ZNF44: variants seen among roughly 807,000 people sequenced by gnomAD.
ZNF44 encodes zinc finger protein 44, also known as gonadotropin inducible transcription repressor-2.
Under a neutral mutation model 11.7 loss-of-function variants are expected in ZNF44, and 9 were observed. The observed-to-expected ratio is 0.77, with a 90% CI of 0.46 to 1.35. The LOEUF is 1.35. Among genes scored for constraint, ZNF44 ranks in the 40% most tolerant of loss-of-function variants. ZNF44 has a pLI of 0.00. For synonymous variants in ZNF44, 224 were observed against 242.7 expected, an observed-to-expected ratio of 0.92 and a Z score of 0.72; for missense variants, 696 against 743.1, an observed-to-expected ratio of 0.94 and a Z score of 0.74.
intron 1 of ZNF44, among the ~76,000 whole-genome samples, chr19:12,283,667 T>C (rs1967589565): frequency 6.6e-6 from 1 of 152,196 alleles, no homozygotes; most frequent in Non-Finnish European, 1.5e-5. Flanking sequence ...AGTCTTCTTA[T>C]ATAAGAAAAT....
At position 12,274,984 on chromosome 19, in the gene ZNF44, C is replaced by A; in HGVS notation, c.180G>T (p.Arg60Ser). ...QNIDDQHQNL[R>S]RNPRCDVVER... The stretch of plus-strand genomic sequence containing the variant: ...TAAGTACAAATTACCTTGGATTTCT[C>A]CTGAGATTTTGGTGCTGATCATCAA... Residue 60 changes from arginine (R) to serine (S), a missense_variant, in exon 3 of 4, where the codon AGG (arginine) becomes AGT (serine). Coordinates refer to ENST00000355684, the MANE Select transcript of ZNF44 (RefSeq NM_016264.4). 1 of 1,588,308 alleles carries A rather than the reference C, an allele frequency of 6.3e-7. No individual in the cohort carries two copies. Among genetic ancestry groups the A allele is most frequent in the Non-Finnish European group, 8.6e-7 (1 of 1,166,656 alleles).
Position 12,273,608 on chromosome 19 carries a change from T to C in ZNF44, c.647A>G (p.Glu216Gly), listed in dbSNP as rs1188544445. ...FFWPSLLRMH[E>G]RTHTGEKPYE... ...TGGTTTCTCTCCAGTGTGAGTTCTT[T>C]CATGCATACGTAATAAACTGGGCCA... is the stretch of plus-strand genomic sequence containing the variant. Residue 216 changes from glutamate (E) to glycine (G), a missense_variant, in exon 4 of 4, where the codon GAA becomes GGA. Glu to Gly is a moderately conservative substitution (Grantham distance 98, BLOSUM62 -2). Coordinates refer to ENST00000355684, the MANE Select transcript of ZNF44 (RefSeq NM_016264.4). 6.2e-7 allele frequency: 1 copy of C among 1,614,162 alleles called. No individual in the cohort carries two copies. The highest frequency in any genetic ancestry group is 1.1e-5 in the South Asian group (1 of 91,082).
chr19:12,243,921 C>T (rs1916696570), downstream of ZNF44, among the ~76,000 whole-genome samples: 1 of 152,080 alleles, frequency 6.6e-6, no homozygotes, highest in Non-Finnish European at 1.5e-5. Flanking sequence ...TATTAAGTCC[C>T]TTTTCATTTG....
chr19:12,252,284 TA>T (rs1568429367), intron 5 of ZNF44, among the ~76,000 whole-genome samples: 1 of 151,974 alleles, frequency 6.6e-6, no homozygotes, highest in Admixed American at 6.6e-5. Flanking sequence ...TACGAGAAAG[TA>T]GAGTGAAATA....
downstream of ZNF44, among the ~76,000 whole-genome samples, chr19:12,243,610 G>A (rs1290649669): frequency 6.6e-6 from 1 of 152,136 alleles, no homozygotes; most frequent in Non-Finnish European, 1.5e-5. Context: ...TGTGAATAAT[G>A]CTGTAATGAA....
Position 12,251,176 on chromosome 19 carries a change from A to G in ZNF44, c.1913-808T>C, listed in dbSNP as rs1164591777. ...GTGAAACCCCATCTCTACTAAAAAT[A>G]CAAAATTAGCTGGGTGTGGTGGTGC... On this transcript the variant is annotated intron_variant and NMD_transcript_variant, in intron 5 of 7. Transcript: ENST00000393337. Among the ~76,000 whole-genome samples the G allele has an allele frequency of 2.6e-5, 4 of 152,090 alleles. No individual in the cohort carries two copies. In the East Asian group the frequency reaches 5.8e-4, roughly 22 times the overall value.
rs1279881681 is a variant in ZNF44, at chr19:12,273,736, T to C, written c.519A>G (p.Glu173=). The stretch of plus-strand genomic sequence containing the variant: ...CAGGAGAACTGAAGGTTTTTCCACA[T>C]TCCTTACAATCATAGGGTTTCTTTC... ...HTGKKPYDCK[E]CGKTFSSPGN... Residue 173 remains glutamate (E), a synonymous_variant, in exon 4 of 4, where the codon GAA becomes GAG. Coordinates refer to ENST00000355684, the MANE Select transcript of ZNF44 (RefSeq NM_016264.4). The C allele has an allele frequency of 1.2e-6, 2 of 1,614,148 alleles. No individual in the cohort carries two copies.
chr19:12,282,695 T>C (rs1967533655), intron 1 of ZNF44, among the ~76,000 whole-genome samples: 1 of 152,162 alleles, frequency 6.6e-6, no homozygotes. Context: ...AGTGCTGGGA[T>C]TACAGGCATG....
chr19:12,234,019 G>A (rs913540478), intron 2 of ZNF44, among the ~76,000 whole-genome samples: 5 of 150,848 alleles, frequency 3.3e-5, no homozygotes, highest in African/African-American at 4.9e-5. Flanking sequence ...CTGAGATCGC[G>A]CTGCTGCACT....
chr19:12,283,618 C>G (rs1434773285), intron 1 of ZNF44, among the ~76,000 whole-genome samples: 1 of 152,310 alleles, frequency 6.6e-6, no homozygotes, highest in East Asian at 1.9e-4. Context: ...CATAAGCCAC[C>G]ACGCCCAGCC....
intron 1 of ZNF44, chr19:12,284,392 T>C: frequency 1.6e-6 from 1 of 619,638 alleles, no homozygotes. Context: ...GACCCTGGGA[T>C]GGGGAACCGC....
chr19:12,259,089 C>T (rs1396382920), intron 5 of ZNF44, among the ~76,000 whole-genome samples: 2 of 152,026 alleles, frequency 1.3e-5, no homozygotes, highest in African/African-American at 2.4e-5. Context: ...TGCCCAGGCT[C>T]GTCTTGAACT....
intron 2 of ZNF44, among the ~76,000 whole-genome samples, chr19:12,233,189 C>A (rs571829758): frequency 4.6e-5 from 7 of 152,060 alleles, no homozygotes; most frequent in Non-Finnish European, 8.8e-5. Flanking sequence ...AACCCCCCTC[C>A]GGCCAGAAAG....
In ZNF44 at chr19:12,272,392, C is replaced by T; in HGVS notation, c.*15G>A. The T allele has an allele frequency of 6.6e-7, 1 of 1,508,208 alleles. No homozygotes were observed. The highest frequency in any genetic ancestry group is 2.4e-5 in the Admixed American group (1 of 42,270). 93.4% of individuals were successfully genotyped at this position (1,508,208 alleles called of 1,614,324 possible). On this transcript the variant is annotated 3_prime_UTR_variant, in exon 4 of 4. Coordinates refer to ENST00000355684, the MANE Select transcript of ZNF44 (RefSeq NM_016264.4). ...TGTGATAAAACCAATGAATGCTTTC[C>T]CACATTCCATACACTTATAGAATAT...
At chr19:12,279,244 G>A (rs894507936) in intron 1 of ZNF44, among the ~76,000 whole-genome samples, 2 of 152,156 alleles carry the variant, frequency 1.3e-5, no homozygotes, top group African/African-American at 4.8e-5. Context: ...GAATAGGCCA[G>A]GTGCAGTGGC....
At chr19:12,237,245 G>A (rs1267829891) in intron 1 of ZNF44, 1 of 152,330 alleles carries the variant, frequency 6.6e-6, no homozygotes, top group African/African-American at 2.4e-5. Flanking sequence ...GCTCCGGACT[G>A]AGGCTGCAGT....
intron 1 of ZNF44, among the ~76,000 whole-genome samples, chr19:12,236,157 G>A (rs990353416): frequency 2.0e-5 from 3 of 152,236 alleles, no homozygotes; most frequent in African/African-American, 7.2e-5. Flanking sequence ...TTGGGAATGT[G>A]GGGAAGGAAT....
intron 7 of ZNF44, among the ~76,000 whole-genome samples, chr19:12,249,378 C>T (rs1243265751): frequency 4.0e-5 from 6 of 150,484 alleles, no homozygotes; most frequent in Admixed American, 2.6e-4. Context: ...TGGTGGTGGG[C>T]GCCTGTAGTC....
At chr19:12,228,433 C>T (rs7251288) in intron 3 of ZNF44, among the ~76,000 whole-genome samples, 25,933 of 152,006 alleles carry the variant, frequency 0.17, 2,646 homozygotes, top group African/African-American at 0.28. Flanking sequence ...CATTTAATTC[C>T]GTGTGTCCTA....
Sources: allele counts gnomAD v4.1 joint callset (sites outside exome capture counted in the v4.1 genomes callset), GRCh38; gene constraint gnomAD v4.1.1; transcripts MANE v1.5; gene names NCBI Gene and HGNC (gene_info 2026-07-23, HGNC 2026-07-21).